Variants in GFM1 observed in about 807,000 individuals in gnomAD.
GFM1 encodes G elongation factor mitochondrial 1.
GFM1 carries 62 observed loss-of-function variants against 96.2 expected under a neutral mutation model. That is an observed-to-expected ratio of 0.64 (90% CI 0.53 to 0.80). The LOEUF (loss-of-function observed/expected upper bound fraction) is 0.80, where lower values mean the gene tolerates loss of function less well. GFM1 is among the 30% of genes least tolerant of loss of function. The pLI, the probability that GFM1 is intolerant of heterozygous loss-of-function variation, is 0.00. For synonymous variants in GFM1, 282 were observed against 312.9 expected (o/e 0.90, Z 1.04); for missense variants, 852 against 916.6 (o/e 0.93, Z 0.91).
chr3:158,654,886 G>A (rs546881062), intron 8 of GFM1, among the ~76,000 whole-genome samples: 1 of 151,998 alleles, frequency 6.6e-6, no homozygotes, highest in African/African-American at 2.4e-5. Context: ...GTTTTGTCCT[G>A]CTCTTTTTAT....
chr3:158,646,437 A>G (rs1721809659), intron 3 of GFM1, 140 bp downstream of exon 3: 4 of 931,950 alleles, frequency 4.3e-6, no homozygotes, highest in East Asian at 4.8e-5. Context: ...AGACTAACTT[A>G]GGACCTAGAG....
At chr3:158,675,310 A>AAAAAAAAAAAGG (rs370161147) in intron 13 of GFM1, among the ~76,000 whole-genome samples, 2 of 114,046 alleles carry the variant, frequency 1.8e-5, no homozygotes, top group East Asian at 2.3e-4. Flanking sequence ...AAAAAAAAAA[A>AAAAAAAAAAAGG]CAAGTTTTCA....
rs61079797 is a variant in GFM1, at chr3:158,651,824, AT to A, written c.690-262del. On this transcript the variant is annotated intron_variant, in intron 5 of 17. Coordinates refer to ENST00000486715, the MANE Select transcript of GFM1 (RefSeq NM_024996.7). The stretch of plus-strand genomic sequence containing the variant: ...TGTGATGTCTATTATAAAACCAGAG[AT>A]TTTTTTTTTCTCATTATAGTGGACT... 0.42 allele frequency among the ~76,000 whole-genome samples: 63,506 copies of A among 151,032 alleles called. 14,522 individuals are homozygous for A. The highest frequency in any genetic ancestry group is 0.61 in the African/African-American group (25,300 of 41,240).
chr3:158,672,136 G>A (rs555944584), intron 13 of GFM1, among the ~76,000 whole-genome samples: 1 of 152,232 alleles, frequency 6.6e-6, no homozygotes, highest in East Asian at 1.9e-4. Context: ...CTGCCTTAAG[G>A]TGAAAACAGT....
intron 13 of GFM1, chr3:158,670,851 C>A: frequency 7.8e-7 from 1 of 1,286,850 alleles, no homozygotes; most frequent in Non-Finnish European, 9.9e-7. Context: ...GGAAGATGGC[C>A]TGAGCCCGGG....
At chr3:158,689,955 T>C (rs1463110170) in intron 15 of GFM1, among the ~76,000 whole-genome samples, 1 of 152,160 alleles carries the variant, frequency 6.6e-6, no homozygotes, top group African/African-American at 2.4e-5. Flanking sequence ...ATAATGGAAA[T>C]ACCAATATTA....
At chr3:158,655,747 G>T in intron 8 of GFM1, 1 of 430,410 alleles carries the variant, frequency 2.3e-6, no homozygotes, top group South Asian at 1.7e-5. Context: ...ACAACTAATG[G>T]GCCAATACTG....
At chr3:158,672,311 C>T in intron 13 of GFM1, 4 of 1,609,696 alleles carry the variant, frequency 2.5e-6, no homozygotes, top group Non-Finnish European at 3.4e-6. Context: ...GAGCGCAATC[C>T]TGAAGCCTCT....
intron 15 of GFM1, among the ~76,000 whole-genome samples, chr3:158,685,996 A>T (rs966189546): frequency 5.3e-5 from 8 of 152,066 alleles, no homozygotes; most frequent in African/African-American, 1.9e-4. Flanking sequence ...TAGAGGTTAC[A>T]TAAAGCCAGA....
intron 13 of GFM1, chr3:158,666,607 C>A: frequency 1.3e-6 from 2 of 1,554,370 alleles, no homozygotes; most frequent in Non-Finnish European, 1.8e-6. Flanking sequence ...GCATACACAT[C>A]AATAGACATG....
chr3:158,672,576 G>A (rs2108070912), intron 13 of GFM1: 1 of 1,503,122 alleles, frequency 6.7e-7, no homozygotes, highest in East Asian at 2.3e-5. Flanking sequence ...TCCGGTTGCC[G>A]AGGCGGAAAA....
rs141276625 is a variant in GFM1, at chr3:158,677,262, A to C, written c.1602-4733A>C. 3.1e-3 allele frequency among the ~76,000 whole-genome samples: 467 copies of C among 152,260 alleles called. 2 individuals are homozygous for C. Among genetic ancestry groups the C allele is most frequent in the African/African-American group, 0.01 (430 of 41,534 alleles). The stretch of plus-strand genomic sequence containing the variant: ...TTGCACATTCTCTCTCTCTCTGTCA[A>C]AGCTTAATCCAGAGGAAGGCTCTAA... On this transcript the variant is annotated intron_variant, in intron 13 of 17. Coordinates refer to ENST00000486715, the MANE Select transcript of GFM1 (RefSeq NM_024996.7).
In GFM1 at chr3:158,660,960, C is replaced by G. The variant is rs1187874654; in HGVS notation, c.1308C>G (p.Asn436Lys). ...ASGDTFTDKA[N>K]SGLSMESIHV... The stretch of plus-strand genomic sequence containing the variant: ...GAGACACATTCACAGACAAAGCCAA[C>G]AGCGGCCTTTCTATGGTAAGCCATT... The change falls in exon 10 of 18, where the codon AAC becomes AAG. Residue 436 changes from asparagine (N) to lysine (K), a missense_variant. Transcript: ENST00000486715. 6.2e-7 allele frequency: 1 copy of G among 1,613,358 alleles called. No individual in the cohort carries two copies. The highest frequency in any genetic ancestry group is 8.5e-7 in the Non-Finnish European group (1 of 1,179,416).
At chr3:158,690,098 A>G (rs1576799027) in intron 15 of GFM1, 65 bp from the exon 16 acceptor site, 5 of 1,391,026 alleles carry the variant, frequency 3.6e-6, no homozygotes, top group African/African-American at 1.4e-5. Flanking sequence ...TCCCTTTTTT[A>G]TATCTGGACA....
At chr3:158,657,087 A>G (rs1341707449) in intron 8 of GFM1, 1 of 152,152 alleles carries the variant, frequency 6.6e-6, no homozygotes, top group Non-Finnish European at 1.5e-5. Flanking sequence ...AGTGGGGAAA[A>G]ATGGTAGATA....
Position 158,693,204 on chromosome 3 carries a change from T to C in GFM1, c.*1737T>C, listed in dbSNP as rs1400874921. 2.0e-5 allele frequency: 3 copies of C among 152,160 alleles called. No homozygotes were observed. The allele number at this position is 152,160 out of a possible 1,614,324, so 9.4% of individuals were successfully genotyped here. On this transcript the variant is annotated 3_prime_UTR_variant, in exon 18 of 18. Coordinates refer to ENST00000486715, the MANE Select transcript of GFM1 (RefSeq NM_024996.7). ...TGTCTGTTGCTACAGTAGCATCAGGTCTGAAAAAATGTGGTTGCTTTGGCA... is the reference window on the plus strand; with the variant it reads ...TGTCTGTTGCTACAGTAGCATCAGGCCTGAAAAAATGTGGTTGCTTTGGCA...
chr3:158,679,535 A>G lies in GFM1; in HGVS notation c.1602-2460A>G, dbSNP rs147394512. ...CAATACAGCATTTCTCATCTTTTCT[A>G]GTTATATTAGCCAGCAACTATAAAG... On this transcript the variant is annotated intron_variant, in intron 13 of 17. Transcript: ENST00000486715. 2.0e-4 allele frequency among the ~76,000 whole-genome samples: 30 copies of G among 152,334 alleles called. No individual in the cohort carries two copies. The East Asian group carries it at 5.4e-3, about 27-fold the overall frequency.
rs890807516 is a variant in GFM1 at position 158,672,529 on chromosome 3, C to G, written c.1601+6143C>G. 2.5e-6 allele frequency: 4 copies of G among 1,606,714 alleles called. No homozygotes were observed. The African/African-American group carries it at 4.0e-5, about 16-fold the overall frequency. ...TTGGGCTACTCTGGCTTAACGGGAC[C>G]AGTAGCAGAGCGCCGCCCGTCCTGC... On this transcript the variant is annotated intron_variant, in intron 13 of 17. Transcript: ENST00000486715.
chr3:158,681,539 A>G (rs538988704), intron 13 of GFM1, among the ~76,000 whole-genome samples: 1 of 152,194 alleles, frequency 6.6e-6, no homozygotes, highest in South Asian at 2.1e-4. Flanking sequence ...GTATTGCCTG[A>G]GTCTATAATG....
Sources: gnomAD v4.1 joint callset for allele counts (sites outside exome capture counted in the v4.1 genomes callset) on GRCh38, gnomAD v4.1.1 for gene constraint, MANE v1.5 for transcripts, NCBI Gene and HGNC (gene_info 2026-07-23, HGNC 2026-07-21) for gene names.